Variants in GLI2 observed in about 807,000 individuals in gnomAD.
GLI2 encodes the protein transcription activator GLI2.
A neutral mutation model predicts 78.9 loss-of-function variants in GLI2; 22 were observed. The ratio of observed to expected loss-of-function variants is 0.28; its 90% confidence interval spans 0.20 to 0.40. GLI2 has a LOEUF of 0.40. GLI2 is among the 10% of genes least tolerant of loss of function. GLI2 has a pLI of 1.00. For missense variants in GLI2, 2,097 were observed against 2,213.2 expected (o/e 0.95, Z 1.05); for synonymous variants, 974 against 963.7 (o/e 1.01, Z -0.20).
At chr2:120,807,166 G>A (rs575495581) in intron 2 of GLI2, among the ~76,000 whole-genome samples, 2 of 152,242 alleles carry the variant, frequency 1.3e-5, no homozygotes, top group East Asian at 1.9e-4. Flanking sequence ...CCCTGGGGAC[G>A]ATGCAGGGAG....
intron 2 of GLI2, among the ~76,000 whole-genome samples, chr2:120,889,309 G>GT (rs148984647): frequency 0.014 from 2,206 of 152,314 alleles, 67 homozygotes; most frequent in African/African-American, 0.05. Context: ...TCAGAAGATG[G>GT]TTGCAAGAGA....
At chr2:120,823,840 C>T (rs966469070) in intron 2 of GLI2, among the ~76,000 whole-genome samples, 6 of 152,138 alleles carry the variant, frequency 3.9e-5, no homozygotes, top group East Asian at 1.9e-4. Flanking sequence ...CAGTACCATG[C>T]AGGCCAAGGG....
chr2:120,871,577 C>T (rs1688434141), intron 2 of GLI2, among the ~76,000 whole-genome samples: 1 of 152,186 alleles, frequency 6.6e-6, no homozygotes, highest in Admixed American at 6.5e-5. Context: ...CTGATCTGTG[C>T]TCTTATAGGT....
At position 120,903,212 on chromosome 2, in the gene GLI2, C is replaced by T. The variant is rs147591781; in HGVS notation, c.149-24149C>T. On this transcript the variant is annotated intron_variant, in intron 2 of 13. Coordinates refer to ENST00000361492, the MANE Select transcript of GLI2 (RefSeq NM_001374353.1). ...CCAGCCTGGACAACATGGTGAAACA[C>T]GATCTCTAGTAAAAATACAAAAATT... Among the ~76,000 whole-genome samples the T allele has an allele frequency of 3.4e-4, 51 of 152,120 alleles. No individual in the cohort carries two copies. In the East Asian group the frequency reaches 7.7e-3, roughly 23 times the overall value.
Position 120,951,413 on chromosome 2 carries a change from T to G in GLI2, c.425T>G (p.Ile142Ser). ...CACAGCAGCCCCACGCTCTCCATGA[T>G]CTCTGCAGCCAGGGGCCTCAGCCCC... ...SVHSSPTLSM[I>S]SAARGLSPAD... The change falls in exon 4 of 14, where the codon ATC becomes AGC. Residue 142 changes from isoleucine to serine, a missense_variant. By Grantham distance (142) the Ile-to-Ser change is moderately radical. Around this residue, in one of 5 missense-constraint regions of GLI2, gnomAD observed 578 missense variants for 612.0 expected, o/e 0.94. Transcript: ENST00000361492. 1 of 1,613,450 alleles carries G rather than the reference T, an allele frequency of 6.2e-7. No homozygotes were observed. Among genetic ancestry groups the G allele is most frequent in the South Asian group, 1.1e-5 (1 of 91,060 alleles).
chr2:120,765,160 A>G (rs1248335389), intron 1 of GLI2, among the ~76,000 whole-genome samples: 2 of 151,908 alleles, frequency 1.3e-5, no homozygotes, highest in African/African-American at 4.8e-5. Context: ...TGCTGGTCCC[A>G]CTGTCTCTCT....
At chr2:120,831,059 C>T (rs950816383) in intron 2 of GLI2, among the ~76,000 whole-genome samples, 11 of 150,974 alleles carry the variant, frequency 7.3e-5, no homozygotes, top group Non-Finnish European at 1.5e-4. Flanking sequence ...TCAGTTTCAG[C>T]TCTGCCTGTC....
rs369110044 is a variant in GLI2 at position 120,929,308 on chromosome 2, C to T, written c.254+1842C>T. ...TGGCTTCTCCGCTTTAAAGTTGTCC[C>T]GTTCGTAATTAATAAGTATTTTGTG... On this transcript the variant is annotated intron_variant, in intron 3 of 13. Transcript: ENST00000361492. Among the ~76,000 whole-genome samples the T allele has an allele frequency of 4.6e-5, 7 of 152,256 alleles. No individual in the cohort carries two copies. The East Asian group carries it at 1.2e-3, about 25-fold the overall frequency.
At chr2:120,942,919 T>C (rs1573643437) in intron 3 of GLI2, among the ~76,000 whole-genome samples, 1 of 150,510 alleles carries the variant, frequency 6.6e-6, no homozygotes, top group Non-Finnish European at 1.5e-5. Context: ...CACTCACTCA[T>C]TCATTCATTC....
intron 3 of GLI2, among the ~76,000 whole-genome samples, chr2:120,935,533 G>A (rs2104898627): frequency 6.6e-6 from 1 of 152,284 alleles, no homozygotes; most frequent in African/African-American, 2.4e-5. Context: ...AGCAGTAGCA[G>A]GAGTCTGTGC....
chr2:120,792,244 CT>C (rs1174470923), intron 1 of GLI2: 1 of 152,254 alleles, frequency 6.6e-6, no homozygotes, highest in African/African-American at 2.4e-5. Context: ...ACTCAGAGTT[CT>C]TAACCTTTTC....
At chr2:120,982,607 GC>G in intron 10 of GLI2, 108 bp from the exon 11 acceptor site, 1 of 828,282 alleles carries the variant, frequency 1.2e-6, no homozygotes, top group Non-Finnish European at 2.0e-6. Context: ...GCTTCTGAGT[GC>G]GCTGACGGGT....
intron 2 of GLI2, among the ~76,000 whole-genome samples, chr2:120,877,528 G>T (rs1339413353): frequency 6.6e-6 from 1 of 152,110 alleles, no homozygotes; most frequent in Non-Finnish European, 1.5e-5. Flanking sequence ...CCAGTCACTA[G>T]CCACCACTCC....
At chr2:120,794,235 A>T (rs1235743534) in intron 1 of GLI2, among the ~76,000 whole-genome samples, 2 of 152,126 alleles carry the variant, frequency 1.3e-5, no homozygotes, top group African/African-American at 4.8e-5. Context: ...CTTGAGAGTA[A>T]GAGTTCATCA....
At chr2:120,798,290 A>G (rs1269355101) in intron 2 of GLI2, among the ~76,000 whole-genome samples, 2 of 152,216 alleles carry the variant, frequency 1.3e-5, no homozygotes, top group Non-Finnish European at 2.9e-5. Context: ...ACTTTGATGT[A>G]TACACAGTTG....
intron 1 of GLI2, among the ~76,000 whole-genome samples, chr2:120,785,903 C>T (rs1488195857): frequency 6.6e-6 from 1 of 152,200 alleles, no homozygotes; most frequent in East Asian, 1.9e-4. Flanking sequence ...GGTAAGGGGC[C>T]CAGTGACAGC....
At chr2:120,816,147 C>T (rs553779585) in intron 2 of GLI2, among the ~76,000 whole-genome samples, 3 of 151,932 alleles carry the variant, frequency 2.0e-5, no homozygotes, top group Admixed American at 6.5e-5. Context: ...ACCTTTTGGT[C>T]CACAGATCCC....
intron 1 of GLI2, among the ~76,000 whole-genome samples, chr2:120,762,721 G>T (rs1235780063): frequency 6.6e-6 from 1 of 152,122 alleles, no homozygotes; most frequent in Non-Finnish European, 1.5e-5. Context: ...CCCTGTCTTC[G>T]ACCATCCCAC....
Position 120,984,713 on chromosome 2 carries a change from C to T in GLI2, c.1875C>T (p.His625=), listed in dbSNP as rs372341303. ...GCCAGGCCGTGGAGGACTGCCTGCA[C>T]GTCAGAGCCATCAAGACCGAGAGCT... ...STSQAVEDCL[H]VRAIKTESSG... The change falls in exon 12 of 14, where the codon CAC becomes CAT. Residue 625 remains histidine (H), a synonymous_variant. Coordinates refer to ENST00000361492, the MANE Select transcript of GLI2 (RefSeq NM_001374353.1). 28 of 1,613,214 alleles carry T rather than the reference C, an allele frequency of 1.7e-5. No homozygotes were observed. Among genetic ancestry groups the T allele is most frequent in the African/African-American group, 1.3e-4 (10 of 74,928 alleles).
Sources: gnomAD v4.1 joint callset for allele counts (sites outside exome capture counted in the v4.1 genomes callset) on GRCh38, gnomAD v4.1.1 for gene constraint, gnomAD v4.1.1 regional missense constraint, MANE v1.5 for transcripts, NCBI Gene and HGNC (gene_info 2026-07-23, HGNC 2026-07-21) for gene names.